Variants in LAMC2 observed in about 807,000 individuals in gnomAD.
LAMC2 encodes laminin subunit gamma 2.
In LAMC2, 97 loss-of-function variants were observed where a neutral mutation model predicts 140.2. The ratio of observed to expected loss-of-function variants is 0.69; its 90% CI spans 0.59 to 0.82. LAMC2 has a LOEUF of 0.82. Ranked by LOEUF, LAMC2 falls within the 40% of genes least tolerant of loss-of-function variation. The probability of loss-of-function intolerance (pLI) is 0.00; values close to 1 mark genes in which losing one functional copy is unlikely to be tolerated. For synonymous variants in LAMC2, 513 were observed against 540.2 expected (o/e 0.95, Z 0.70); for missense variants, 1,402 against 1,476.1 (o/e 0.95, Z 0.82).
downstream of LAMC2, among the ~76,000 whole-genome samples, chr1:183,247,722 A>G (rs1660268100): frequency 6.6e-6 from 1 of 152,144 alleles, no homozygotes; most frequent in African/African-American, 2.4e-5. Context: ...CTAACCCAAT[A>G]TAGGGTGTGT....
Position 183,226,814 on chromosome 1 carries a change from G to T in LAMC2, c.1183G>T (p.Asp395Tyr), listed in dbSNP as rs944888996. Residue 395 changes from aspartate (D) to tyrosine (Y), a missense_variant, in exon 9 of 23, where the codon GAT (aspartate) becomes TAT (tyrosine). By Grantham distance (160) the Asp-to-Tyr change is radical (BLOSUM62 -3). Coordinates refer to ENST00000264144, the MANE Select transcript of LAMC2 (RefSeq NM_005562.3). The stretch of plus-strand genomic sequence containing the variant: ...TGGGTACAAGGGGCAATTCTGCCAG[G>T]ATTGTGCTTCTGGCTACAAGAGAGA... ...PVGYKGQFCQ[D>Y]CASGYKRDSA... is the part of the protein sequence containing the mutation. 2.5e-6 allele frequency: 4 copies of T among 1,614,098 alleles called. No individual in the cohort carries two copies. The highest frequency in any genetic ancestry group is 3.4e-6 in the Non-Finnish European group (4 of 1,180,040).
chr1:183,190,434 G>A (rs2102162385), intron 1 of LAMC2, among the ~76,000 whole-genome samples: 1 of 152,034 alleles, frequency 6.6e-6, no homozygotes, highest in African/African-American at 2.4e-5. Flanking sequence ...CAACAAAACA[G>A]GAACCCAAAG....
chr1:183,250,107 A>T (rs1660335920), downstream of LAMC2: 1 of 151,734 alleles, frequency 6.6e-6, no homozygotes, highest in Non-Finnish European at 1.5e-5. Flanking sequence ...TCCATCCATA[A>T]CTCCAAGTCC....
intron 4 of LAMC2, among the ~76,000 whole-genome samples, chr1:183,219,288 T>C (rs1659392139): frequency 6.6e-6 from 1 of 152,182 alleles, no homozygotes; most frequent in Non-Finnish European, 1.5e-5. Flanking sequence ...TTTTCAGGGG[T>C]TTCTGGCTGC....
At chr1:183,231,365 T>C (rs1659795902) in intron 12 of LAMC2, among the ~76,000 whole-genome samples, 1 of 152,138 alleles carries the variant, frequency 6.6e-6, no homozygotes, top group Admixed American at 6.5e-5. Flanking sequence ...CTTAGTTGAG[T>C]TGAAAGGAAA....
chr1:183,255,659 A>AG, the LAMC2 span, among the ~76,000 whole-genome samples: 46 of 130,714 alleles, frequency 3.5e-4, no homozygotes, highest in East Asian at 9.4e-3. Flanking sequence ...TTTATTCCTA[A>AG]GGGTTTTTTT....
At chr1:183,187,497 G>T (rs1658190749) in intron 1 of LAMC2, among the ~76,000 whole-genome samples, 1 of 119,310 alleles carries the variant, frequency 8.4e-6, no homozygotes, top group Non-Finnish European at 1.8e-5. Flanking sequence ...ATGTATGATT[G>T]CCACCAAAAA....
At chr1:183,231,183 CT>C (rs1659790934) in intron 12 of LAMC2, 80 bp downstream of exon 12, 1 of 1,514,270 alleles carries the variant, frequency 6.6e-7, no homozygotes, top group Non-Finnish European at 9.2e-7. Context: ...TGTCACAGAT[CT>C]AGGACACTCC....
At chr1:183,257,431 ACT>A in the LAMC2 span, among the ~76,000 whole-genome samples, 1 of 152,084 alleles carries the variant, frequency 6.6e-6, no homozygotes, top group Admixed American at 6.5e-5. Flanking sequence ...ACAGAGTGAG[ACT>A]CTGTCTAAAA....
chr1:183,230,843 T>C, intron 11 of LAMC2, 118 bp from the exon 12 acceptor site: 2 of 1,155,418 alleles, frequency 1.7e-6, no homozygotes, highest in South Asian at 1.3e-5. Flanking sequence ...AGAAGGTGCA[T>C]GGAGGTATAA....
chr1:183,246,674 C>G (rs960933058), downstream of LAMC2, among the ~76,000 whole-genome samples: 25 of 152,148 alleles, frequency 1.6e-4, no homozygotes, highest in African/African-American at 6.0e-4. Context: ...TCTTGGGAGG[C>G]TGGAGAAAAG....
chr1:183,193,754 A>T (rs1160165725), intron 1 of LAMC2, among the ~76,000 whole-genome samples: 1 of 150,872 alleles, frequency 6.6e-6, no homozygotes, highest in Non-Finnish European at 1.5e-5. Context: ...GCCACAGTGG[A>T]CCTGGCATAG....
chr1:183,215,668 C>G, intron 3 of LAMC2, 80 bp downstream of exon 3: 1 of 1,550,458 alleles, frequency 6.4e-7, no homozygotes, highest in Non-Finnish European at 8.9e-7. Flanking sequence ...CTTGTATTTA[C>G]TGAGCCCCTA....
At chr1:183,250,298 A>T in the LAMC2 span, 3 of 152,190 alleles carry the variant, frequency 2.0e-5, no homozygotes, top group Non-Finnish European at 4.4e-5. Context: ...TCTTGGATTG[A>T]TGGAGTCCGC....
chr1:183,219,947 C>G (rs1275154402), intron 4 of LAMC2, among the ~76,000 whole-genome samples: 2 of 152,170 alleles, frequency 1.3e-5, no homozygotes, highest in Non-Finnish European at 2.9e-5. Flanking sequence ...GTCTCCTCAT[C>G]TAAGAAAATT....
At chr1:183,202,136 A>G (rs1288911588) in intron 1 of LAMC2, among the ~76,000 whole-genome samples, 1 of 151,772 alleles carries the variant, frequency 6.6e-6, no homozygotes, top group African/African-American at 2.4e-5. Flanking sequence ...GGAGGTTGCA[A>G]TGAGCTGAGA....
the LAMC2 span, among the ~76,000 whole-genome samples, chr1:183,255,786 C>A: frequency 6.6e-6 from 1 of 151,878 alleles, no homozygotes; most frequent in Non-Finnish European, 1.5e-5. Flanking sequence ...ACCTCGGCCT[C>A]CCGAGTAGCT....
At chr1:183,189,321 G>A (rs1275498012) in intron 1 of LAMC2, among the ~76,000 whole-genome samples, 1 of 152,188 alleles carries the variant, frequency 6.6e-6, no homozygotes, top group Non-Finnish European at 1.5e-5. Flanking sequence ...TGGGCACAGT[G>A]ACTCATGCCT....
chr1:183,191,587 GTGGCTCA>G (rs1658334960), intron 1 of LAMC2, among the ~76,000 whole-genome samples: 1 of 151,754 alleles, frequency 6.6e-6, no homozygotes, highest in Admixed American at 6.6e-5. Context: ...GCTGGGTGCG[GTGGCTCA>G]TGCCTTTAAT....
Sources: gnomAD v4.1 joint callset for allele counts (sites outside exome capture counted in the v4.1 genomes callset) on GRCh38, gnomAD v4.1.1 for gene constraint, MANE v1.5 for transcripts, NCBI Gene and HGNC (gene_info 2026-07-23, HGNC 2026-07-21) for gene names.